EVL: variants seen among roughly 807,000 people sequenced by gnomAD.
The protein encoded by EVL is ena/VASP-like protein.
A neutral mutation model predicts 59.6 loss-of-function variants in EVL; 21 were observed. The ratio of observed to expected loss-of-function variants is 0.35; its 90% CI spans 0.25 to 0.51. The LOEUF is 0.51. Ranked by LOEUF, EVL falls within the 20% of genes least tolerant of loss-of-function variation. The pLI is 0.97. For synonymous variants in EVL, 198 were observed against 203.5 expected (o/e 0.97, Z 0.23); for missense variants, 462 against 546.6 (o/e 0.85, Z 1.54).
At chr14:100,058,885 G>A (rs2061776245) in intron 1 of EVL, among the ~76,000 whole-genome samples, 1 of 152,054 alleles carries the variant, frequency 6.6e-6, no homozygotes, top group African/African-American at 2.4e-5. Flanking sequence ...ACGTGTAATT[G>A]GAGTGCCAAA....
intron 13 of EVL, among the ~76,000 whole-genome samples, chr14:100,143,289 C>A (rs754505766): frequency 6.6e-6 from 1 of 152,052 alleles, no homozygotes; most frequent in African/African-American, 2.4e-5. Flanking sequence ...AGAGCCTCAG[C>A]CTCCACTATG....
intron 1 of EVL, among the ~76,000 whole-genome samples, chr14:100,018,087 G>A (rs1196053165): frequency 6.6e-6 from 1 of 152,210 alleles, no homozygotes; most frequent in Non-Finnish European, 1.5e-5. Flanking sequence ...TCAGGCATTG[G>A]GAATACAGAA....
At chr14:99,989,739 TAGAC>T (rs1209211718) in intron 1 of EVL, among the ~76,000 whole-genome samples, 7 of 152,232 alleles carry the variant, frequency 4.6e-5, no homozygotes, top group Non-Finnish European at 8.8e-5. Flanking sequence ...AAAGTTCTAA[TAGAC>T]AGTGCTGGTC....
intron 2 of EVL, among the ~76,000 whole-genome samples, chr14:100,093,547 T>G (rs2062608748): frequency 6.6e-6 from 1 of 152,206 alleles, no homozygotes; most frequent in Admixed American, 6.5e-5. Flanking sequence ...GCAGCCTTTG[T>G]ACTGCAGTTG....
Position 100,071,548 on chromosome 14 carries a change from A to T in EVL, c.11+6037A>T, listed in dbSNP as rs1336866416. The stretch of plus-strand genomic sequence containing the variant: ...GTGTTTTAAAAAATTATTAGTTTTA[A>T]TTTCAAATAAGGTGAATATGGATAG... On this transcript the variant is annotated intron_variant, in intron 1 of 13. Coordinates refer to ENST00000392920, the MANE Select transcript of EVL (RefSeq NM_016337.3). 3.3e-5 allele frequency among the ~76,000 whole-genome samples: 5 copies of T among 152,328 alleles called. No individual in the cohort carries two copies. The East Asian group carries it at 7.7e-4, about 23-fold the overall frequency.
chr14:100,128,939 C>T (rs1272118664), intron 6 of EVL, among the ~76,000 whole-genome samples, 191 bp downstream of exon 6: 1 of 152,204 alleles, frequency 6.6e-6, no homozygotes, highest in Non-Finnish European at 1.5e-5. Flanking sequence ...ATGAAGTTAG[C>T]CTTTGAGCCT....
chr14:99,994,460 C>T (rs982845025), intron 1 of EVL, among the ~76,000 whole-genome samples: 12 of 151,816 alleles, frequency 7.9e-5, no homozygotes, highest in African/African-American at 2.2e-4. Context: ...CTTGTGATTA[C>T]CATTACAATT....
At chr14:100,122,491 T>G (rs1323229444) in intron 3 of EVL, among the ~76,000 whole-genome samples, 2 of 152,252 alleles carry the variant, frequency 1.3e-5, no homozygotes, top group Non-Finnish European at 2.9e-5. Context: ...TCCTTCTGTT[T>G]CTTGAGAACA....
At chr14:99,974,065 A>ATTAT (rs1376214830) in intron 1 of EVL, among the ~76,000 whole-genome samples, 9 of 152,270 alleles carry the variant, frequency 5.9e-5, no homozygotes, top group African/African-American at 2.2e-4. Flanking sequence ...GAAAAACATC[A>ATTAT]TTATTTATTC....
chr14:100,112,811 A>G (rs1001777366), intron 3 of EVL, among the ~76,000 whole-genome samples: 1 of 152,034 alleles, frequency 6.6e-6, no homozygotes, highest in African/African-American at 2.4e-5. Context: ...TTGTGTCTTT[A>G]TTTGTTGCCT....
Position 100,125,223 on chromosome 14 carries a change from G to T in EVL, c.423-1484G>T, listed in dbSNP as rs188036301. Among the ~76,000 whole-genome samples the T allele has an allele frequency of 1.5e-4, 6 of 41,076 alleles. No homozygotes were observed. The Admixed American group carries it at 1.5e-3, about 10-fold the overall frequency. The allele number at this position is 41,076 out of a possible 152,430, so 26.9% of individuals were successfully genotyped here. A position where few individuals can be genotyped will look rare whatever the true frequency, so the allele number is the denominator to read the frequency against. ...GCCCCAAGACGGGATCACACACACA[G>T]ACACACACACACCTGCCCCAAGGCA... On this transcript the variant is annotated intron_variant, in intron 4 of 13. Transcript: ENST00000392920.
rs78313114 is a variant in EVL, at chr14:100,033,695, T to C, written c.6-50992T>C. Reference sequence around the variant, plus strand: ...TAAGTACTTTATATGCATAAGCATATGTACTTGTAGCCTTATAAGAGCCCT... The same window carrying C: ...TAAGTACTTTATATGCATAAGCATACGTACTTGTAGCCTTATAAGAGCCCT... On this transcript the variant is annotated intron_variant, in intron 1 of 13. Coordinates refer to the EVL transcript ENST00000402714. Among the ~76,000 whole-genome samples, 21 of 152,376 alleles carry C rather than the reference T, an allele frequency of 1.4e-4. No individual in the cohort carries two copies. In the East Asian group the frequency reaches 3.8e-3, roughly 28 times the overall value.
chr14:100,046,753 CTTTT>C (rs759300292), intron 1 of EVL, among the ~76,000 whole-genome samples: 4 of 132,560 alleles, frequency 3.0e-5, no homozygotes, highest in Non-Finnish European at 4.9e-5. Context: ...CTTTTTCTTT[CTTTT>C]TTTTTTTTTT....
chr14:99,996,686 C>T (rs560246190), intron 1 of EVL, among the ~76,000 whole-genome samples: 145 of 152,148 alleles, frequency 9.5e-4, no homozygotes, highest in Non-Finnish European at 1.2e-3. Flanking sequence ...GGGTCTAGCT[C>T]TGTCACCCAG....
chr14:100,119,604 C>T (rs993301006), intron 3 of EVL, among the ~76,000 whole-genome samples: 6 of 152,226 alleles, frequency 3.9e-5, no homozygotes, highest in Non-Finnish European at 5.9e-5. Context: ...GGCAGGTTCC[C>T]GTCCAACTCA....
At chr14:100,000,087 A>G (rs1314783917) in intron 1 of EVL, among the ~76,000 whole-genome samples, 1 of 152,224 alleles carries the variant, frequency 6.6e-6, no homozygotes, top group East Asian at 1.9e-4. Flanking sequence ...AATATCTGAG[A>G]TAGGTCTCAG....
intron 3 of EVL, among the ~76,000 whole-genome samples, chr14:100,101,709 C>A (rs1886234545): frequency 6.6e-6 from 1 of 152,208 alleles, no homozygotes; most frequent in South Asian, 2.1e-4. Context: ...TCTAGCATGA[C>A]TATACTGGTT....
chr14:100,130,276 T>C lies in EVL; in HGVS notation c.839+592T>C, dbSNP rs1177224739. Among the ~76,000 whole-genome samples the C allele has an allele frequency of 6.6e-6, 1 of 152,206 alleles. No homozygotes were observed. The highest frequency in any genetic ancestry group is 1.5e-5 in the Non-Finnish European group (1 of 68,038). ...AGCGGGTGTGGCTGCAGCCTGCCAT[T>C]GTGGCTCTCCGCTGTTCCCCAAATG... On this transcript the variant is annotated intron_variant, in intron 7 of 13. Transcript: ENST00000392920. The surrounding 1 kb of genome is among the most constrained non-coding windows in gnomAD (Gnocchi z 4.8).
rs1479007249 is a variant in EVL, at chr14:100,132,794, C to G, written c.900+15C>G. ...AAAGCCAAATGGTGAGCAAGCAGCCCGCCCCACCCTCAGGCTCCCCACTGA... is the reference window on the plus strand; with the variant it reads ...AAAGCCAAATGGTGAGCAAGCAGCCGGCCCCACCCTCAGGCTCCCCACTGA... On this transcript the variant is annotated intron_variant, in intron 8 of 13. Transcript: ENST00000392920. 6.2e-7 allele frequency: 1 copy of G among 1,613,754 alleles called. No individual in the cohort carries two copies. Among genetic ancestry groups the G allele is most frequent in the East Asian group, 2.2e-5 (1 of 44,884 alleles).
Sources: gnomAD v4.1 joint callset for allele counts (sites outside exome capture counted in the v4.1 genomes callset) on GRCh38, gnomAD v4.1.1 for gene constraint, Gnocchi (gnomAD v3.1) non-coding constraint, MANE v1.5 for transcripts, NCBI Gene and HGNC (gene_info 2026-07-23, HGNC 2026-07-21) for gene names.